Variants in CAMSAP2 observed in about 807,000 individuals in gnomAD.
CAMSAP2 encodes the protein calmodulin regulated spectrin associated protein family member 2, also known as calmodulin-regulated spectrin-associated protein 2.
Under a neutral mutation model 146.1 loss-of-function variants are expected in CAMSAP2, and 26 were observed. The observed-to-expected ratio is 0.18, with a 90% confidence interval of 0.13 to 0.25. The LOEUF is 0.25. Among genes scored for constraint, CAMSAP2 ranks in the 10% least tolerant of loss-of-function variants. The probability of loss-of-function intolerance (pLI) is 1.00; values close to 1 mark genes in which losing one functional copy is unlikely to be tolerated. For missense variants in CAMSAP2, 1,381 were observed against 1,759.3 expected (o/e 0.78, Z 3.85); for synonymous variants, 499 against 596.6 (o/e 0.84, Z 2.38).
At chr1:200,819,557 G>A (rs1251894736) in intron 4 of CAMSAP2, among the ~76,000 whole-genome samples, 1 of 152,110 alleles carries the variant, frequency 6.6e-6, no homozygotes, top group Non-Finnish European at 1.5e-5. Context: ...CATAAAGTCA[G>A]GCTAGTTCTG....
chr1:200,757,010 G>A (rs1052845022), intron 1 of CAMSAP2, among the ~76,000 whole-genome samples: 6 of 152,038 alleles, frequency 3.9e-5, no homozygotes, highest in African/African-American at 1.4e-4. Flanking sequence ...GTACTATGAA[G>A]TTTTAAATGT....
At chr1:200,784,046 T>TA (rs1310336850) in intron 2 of CAMSAP2, among the ~76,000 whole-genome samples, 2 of 152,072 alleles carry the variant, frequency 1.3e-5, no homozygotes, top group Admixed American at 6.5e-5. Flanking sequence ...CCTTTTTTTT[T>TA]AACAAGATTA....
intron 4 of CAMSAP2, among the ~76,000 whole-genome samples, chr1:200,829,859 C>T (rs933029412): frequency 1.3e-5 from 2 of 151,652 alleles, no homozygotes; most frequent in Non-Finnish European, 1.5e-5. Flanking sequence ...ACCAGGAGGT[C>T]GAGGCTGCAG....
At chr1:200,745,520 A>G (rs1664297629) in intron 1 of CAMSAP2, among the ~76,000 whole-genome samples, 1 of 152,254 alleles carries the variant, frequency 6.6e-6, no homozygotes, top group Non-Finnish European at 1.5e-5. Context: ...ACAATGAGAC[A>G]GATTTAGAGG....
chr1:200,852,380 G>A (rs1404233318), intron 11 of CAMSAP2, among the ~76,000 whole-genome samples, 161 bp from the exon 12 acceptor site: 2 of 152,108 alleles, frequency 1.3e-5, no homozygotes, highest in African/African-American at 4.8e-5. Flanking sequence ...CTGTAGTTCC[G>A]TTCTTCCTTC....
rs1667510018 is a variant in CAMSAP2, at chr1:200,848,134, A to C, written c.1365A>C (p.Glu455Asp). ...GAATCACTCGTTCTATTAGTAATGA[A>C]GGACTTACTCTGAACAACAGTCATG... ...NRGITRSISNEGLTLNNSHVS... is the reference protein window; with the variant it reads ...NRGITRSISNDGLTLNNSHVS... Residue 455 changes from glutamate to aspartate, a missense_variant, in exon 11 of 17, where the codon GAA becomes GAC. By Grantham distance (45) the Glu-to-Asp change is conservative. Coordinates refer to ENST00000358823, the MANE Select transcript of CAMSAP2 (RefSeq NM_203459.4). 6.2e-7 allele frequency: 1 copy of C among 1,612,982 alleles called. No individual in the cohort carries two copies. The highest frequency in any genetic ancestry group is 1.7e-5 in the Admixed American group (1 of 59,826).
intron 3 of CAMSAP2, among the ~76,000 whole-genome samples, chr1:200,815,113 A>G (rs911199212): frequency 3.9e-5 from 6 of 152,142 alleles, no homozygotes; most frequent in African/African-American, 1.4e-4. Context: ...CTCCCCCATG[A>G]TCATGGATAT....
intron 4 of CAMSAP2, among the ~76,000 whole-genome samples, chr1:200,831,630 G>A (rs1319315576): frequency 7.2e-6 from 1 of 139,406 alleles, no homozygotes; most frequent in Non-Finnish European, 1.6e-5. Flanking sequence ...AGTTGGAAGG[G>A]TTTTTTTTTT....
At chr1:200,850,559 AAC>A (rs1415735571) in intron 11 of CAMSAP2, among the ~76,000 whole-genome samples, 1 of 152,186 alleles carries the variant, frequency 6.6e-6, no homozygotes, top group African/African-American at 2.4e-5. Context: ...TTAATCATGT[AAC>A]ACTGCCATTT....
At chr1:200,782,618 C>T (rs1415605088) in intron 2 of CAMSAP2, among the ~76,000 whole-genome samples, 4 of 151,958 alleles carry the variant, frequency 2.6e-5, no homozygotes, top group African/African-American at 7.3e-5. Flanking sequence ...ATCTATGTTG[C>T]TATGTGTAGT....
intron 2 of CAMSAP2, among the ~76,000 whole-genome samples, chr1:200,776,579 A>G (rs1274286499): frequency 6.6e-6 from 1 of 151,962 alleles, no homozygotes; most frequent in African/African-American, 2.4e-5. Context: ...AAGAGAGTTG[A>G]CTGGGTGTGT....
At chr1:200,803,906 T>C (rs925306199) in intron 2 of CAMSAP2, among the ~76,000 whole-genome samples, 1 of 147,032 alleles carries the variant, frequency 6.8e-6, no homozygotes, top group Admixed American at 7.1e-5. Flanking sequence ...TCAAACATTA[T>C]TATGGTATGA....
At chr1:200,817,840 A>T (rs1291222667) in intron 4 of CAMSAP2, among the ~76,000 whole-genome samples, 1 of 152,080 alleles carries the variant, frequency 6.6e-6, no homozygotes. Flanking sequence ...CTTCATTCTA[A>T]CTCTGTTGAG....
rs191859329 is a variant in CAMSAP2, at chr1:200,815,741, T to A, written c.645+97T>A. Reference sequence around the variant, plus strand: ...GAAATGTTAATTGTGTTTATTAAATTATTTTTTAGTGGTGTTAACTGTACC... The same window carrying A: ...GAAATGTTAATTGTGTTTATTAAATAATTTTTTAGTGGTGTTAACTGTACC... On this transcript the variant is annotated intron_variant, in intron 4 of 16. Transcript: ENST00000358823. The A allele has an allele frequency of 2.4e-4, 138 of 566,328 alleles. 1 individual carries two copies. The East Asian group carries it at 4.6e-3, about 19-fold the overall frequency. 35.1% of individuals were successfully genotyped at this position (566,328 alleles called of 1,614,324 possible).
intron 6 of CAMSAP2, among the ~76,000 whole-genome samples, chr1:200,836,988 T>C (rs1667201175): frequency 6.6e-6 from 1 of 152,096 alleles, no homozygotes; most frequent in Admixed American, 6.6e-5. Flanking sequence ...ATGCTGGATA[T>C]GAGACCTTGG....
rs1324972371 is a variant in CAMSAP2 at position 200,860,322 on chromosome 1, T to TTTCATCATCAGAGG, written c.*2265_*2278dup. 1 of 152,882 alleles carries TTTCATCATCAGAGG rather than the reference T, an allele frequency of 6.5e-6. No homozygotes were observed. Among genetic ancestry groups the TTTCATCATCAGAGG allele is most frequent in the Admixed American group, 6.5e-5 (1 of 15,294 alleles). The allele number at this position is 152,882 out of a possible 1,614,324, so 9.5% of individuals were successfully genotyped here. ...CAACCTTACTGAAACACACTGGTGC[T>TTTCATCATCAGAGG]TTCATCATCAGAGGTCAAATTATTA... On this transcript the variant is annotated 3_prime_UTR_variant, in exon 17 of 17. Transcript: ENST00000358823.
intron 2 of CAMSAP2, among the ~76,000 whole-genome samples, chr1:200,792,347 G>A (rs1558179783): frequency 6.6e-6 from 1 of 152,174 alleles, no homozygotes; most frequent in Non-Finnish European, 1.5e-5. Context: ...GTATGAATAT[G>A]CATAGACATG....
Position 200,760,838 on chromosome 1 carries a change from G to T in CAMSAP2, c.140-1G>T. On this transcript the variant is annotated splice_acceptor_variant, in intron 1 of 16. Transcript: ENST00000358823. LOFTEE classifies it high-confidence loss of function. ...AGAATTTTTTCCATTAATCTTTATA[G>T]AAAATGTGCCAGAGGAACTTCAAGA... is the stretch of plus-strand genomic sequence containing the variant. 3 of 1,550,756 alleles carry T rather than the reference G, an allele frequency of 1.9e-6. No individual in the cohort carries two copies. The highest frequency in any genetic ancestry group is 1.8e-5 in the Admixed American group (1 of 56,790).
intron 8 of CAMSAP2, among the ~76,000 whole-genome samples, chr1:200,846,163 C>A (rs958974475): frequency 3.3e-5 from 5 of 152,082 alleles, no homozygotes; most frequent in Non-Finnish European, 7.4e-5. Context: ...CTTGGCTTAA[C>A]ACAAAAATAT....
Sources: gnomAD v4.1 joint callset for allele counts (sites outside exome capture counted in the v4.1 genomes callset) on GRCh38, gnomAD v4.1.1 for gene constraint, MANE v1.5 for transcripts, NCBI Gene and HGNC (gene_info 2026-07-23, HGNC 2026-07-21) for gene names.